Variants in KLHL1 observed in about 807,000 individuals in gnomAD.
The protein encoded by KLHL1 is kelch like family member 1, also known as kelch-like protein 1.
KLHL1 carries 47 observed loss-of-function variants against 77.7 expected under a neutral mutation model. The ratio of observed to expected loss-of-function variants is 0.60; its 90% CI spans 0.48 to 0.77. The LOEUF (loss-of-function observed/expected upper bound fraction) is 0.77, where lower values mean the gene tolerates loss of function less well. Among genes scored for constraint, KLHL1 ranks in the 30% least tolerant of loss-of-function variants. The probability of loss-of-function intolerance (pLI) is 0.00; values close to 1 mark genes in which losing one functional copy is unlikely to be tolerated. For synonymous variants in KLHL1, 360 were observed against 325.2 expected, an observed-to-expected ratio of 1.11 and a Z score of -1.15; for missense variants, 925 against 910.8, an observed-to-expected ratio of 1.02 and a Z score of -0.20.
At chr13:69,929,054 C>T (rs190630023) in intron 4 of KLHL1, among the ~76,000 whole-genome samples, 103 of 151,978 alleles carry the variant, frequency 6.8e-4, no homozygotes, top group Admixed American at 1.6e-3. Context: ...AATGACAAGA[C>T]GGCACTTATC....
At chr13:70,101,515 G>A (rs1028315388) in intron 1 of KLHL1, among the ~76,000 whole-genome samples, 2 of 151,934 alleles carry the variant, frequency 1.3e-5, no homozygotes, top group Non-Finnish European at 2.9e-5. Context: ...TGTAACATCC[G>A]CCTCCAGGGT....
intron 2 of KLHL1, among the ~76,000 whole-genome samples, chr13:69,961,802 G>T (rs938473898): frequency 5.6e-5 from 8 of 142,190 alleles, no homozygotes; most frequent in African/African-American, 2.1e-4. Context: ...AACATATATT[G>T]ATCTGTTGGT....
intron 1 of KLHL1, among the ~76,000 whole-genome samples, chr13:69,999,842 T>C (rs1399906430): frequency 6.6e-6 from 1 of 152,090 alleles, no homozygotes; most frequent in East Asian, 1.9e-4. Context: ...TTAACCCAGG[T>C]CACTGACCAG....
chr13:69,973,939 C>G (rs1230110808), intron 2 of KLHL1, among the ~76,000 whole-genome samples: 2 of 151,966 alleles, frequency 1.3e-5, no homozygotes, highest in Non-Finnish European at 2.9e-5. Flanking sequence ...CAACCTCTAA[C>G]TAGGCTCTTG....
At chr13:70,070,583 G>C (rs1887115521) in intron 1 of KLHL1, among the ~76,000 whole-genome samples, 1 of 151,992 alleles carries the variant, frequency 6.6e-6, no homozygotes. Context: ...TTTGTTGCTA[G>C]TAGGTCTACC....
chr13:69,867,768 A>G (rs1226462649), intron 5 of KLHL1, among the ~76,000 whole-genome samples: 1 of 150,056 alleles, frequency 6.7e-6, no homozygotes, highest in Non-Finnish European at 1.5e-5. Context: ...AGAAAAAAGC[A>G]TATGTAATAT....
intron 6 of KLHL1, among the ~76,000 whole-genome samples, chr13:69,834,850 T>C (rs910964193): frequency 1.3e-5 from 2 of 152,098 alleles, no homozygotes; most frequent in African/African-American, 4.8e-5. Flanking sequence ...CCTGTTTAGG[T>C]CCAGATTTTG....
intron 8 of KLHL1, among the ~76,000 whole-genome samples, chr13:69,738,735 A>G (rs183309201): frequency 4.0e-4 from 61 of 152,288 alleles, no homozygotes; most frequent in Non-Finnish European, 4.3e-4. Flanking sequence ...AAAACCTCTG[A>G]GAACTATGAG....
intron 1 of KLHL1, among the ~76,000 whole-genome samples, chr13:70,034,230 T>C (rs566786363): frequency 6.6e-6 from 1 of 152,202 alleles, no homozygotes; most frequent in Non-Finnish European, 1.5e-5. Context: ...GCTATCTCAT[T>C]GAACTTCCCC....
intron 1 of KLHL1, among the ~76,000 whole-genome samples, chr13:70,087,676 T>C (rs1487061962): frequency 6.6e-6 from 1 of 152,122 alleles, no homozygotes; most frequent in Non-Finnish European, 1.5e-5. Flanking sequence ...CTGGGGCTGC[T>C]GGGATTTAAA....
rs550898662 is a variant in KLHL1, at chr13:69,920,564, C to G, written c.1014+19476G>C. 9.2e-5 allele frequency among the ~76,000 whole-genome samples: 14 copies of G among 152,124 alleles called. No homozygotes were observed. The East Asian group carries it at 2.7e-3, about 29-fold the overall frequency. ...AAAACTATATTGAGGAGCAATATAA[C>G]AATGTATAAATGGGCTTTTTTGATA... On this transcript the variant is annotated intron_variant, in intron 4 of 10. Coordinates refer to ENST00000377844, the MANE Select transcript of KLHL1 (RefSeq NM_020866.3).
At chr13:70,098,006 C>T (rs1887834348) in intron 1 of KLHL1, among the ~76,000 whole-genome samples, 1 of 151,386 alleles carries the variant, frequency 6.6e-6, no homozygotes, top group Admixed American at 6.6e-5. Flanking sequence ...TAACTATTTA[C>T]TAGCTAACTA....
At chr13:70,033,553 G>T (rs1046280377) in intron 1 of KLHL1, among the ~76,000 whole-genome samples, 1 of 142,276 alleles carries the variant, frequency 7.0e-6, no homozygotes, top group East Asian at 2.1e-4. Flanking sequence ...TGATCCACCC[G>T]CCTTGGCCTC....
intron 1 of KLHL1, among the ~76,000 whole-genome samples, chr13:70,087,839 C>A (rs545874491): frequency 1.3e-5 from 2 of 152,222 alleles, no homozygotes; most frequent in African/African-American, 4.8e-5. Context: ...TCTGAACCTC[C>A]ACCTTCTAGG....
At chr13:69,994,099 G>C (rs566780697) in intron 1 of KLHL1, among the ~76,000 whole-genome samples, 4 of 152,080 alleles carry the variant, frequency 2.6e-5, no homozygotes, top group Non-Finnish European at 5.9e-5. Flanking sequence ...TCAAGGCACA[G>C]ATAAAGAACT....
chr13:69,728,039 G>A (rs1412370900), intron 8 of KLHL1, among the ~76,000 whole-genome samples: 3 of 151,850 alleles, frequency 2.0e-5, no homozygotes, highest in African/African-American at 7.3e-5. Context: ...AATCAATCAG[G>A]TCCCTTAAAA....
intron 1 of KLHL1, among the ~76,000 whole-genome samples, chr13:70,015,973 A>C (rs1231060643): frequency 6.6e-6 from 1 of 152,210 alleles, no homozygotes; most frequent in East Asian, 1.9e-4. Flanking sequence ...CTTAAGTTTT[A>C]AATTATTTTA....
chr13:69,791,846 T>TA lies in KLHL1; in HGVS notation c.1639+4891dup, dbSNP rs147390363. ...AAACTTTAAAAAGACAACACAGGCA[T>TA]AAATCTTCATGAACATAGATTAGAA... On this transcript the variant is annotated intron_variant, in intron 7 of 10. Transcript: ENST00000377844. Among the ~76,000 whole-genome samples the TA allele has an allele frequency of 4.2e-3, 635 of 152,304 alleles. 5 individuals carry two copies. The highest frequency in any genetic ancestry group is 0.015 in the African/African-American group (605 of 41,570).
At chr13:69,857,731 G>GA (rs894134221) in intron 5 of KLHL1, among the ~76,000 whole-genome samples, 1 of 151,824 alleles carries the variant, frequency 6.6e-6, no homozygotes, top group African/African-American at 2.4e-5. Context: ...CTATGCAGTA[G>GA]AAAAATAGTT....
Sources: gnomAD v4.1 joint callset for allele counts (sites outside exome capture counted in the v4.1 genomes callset) on GRCh38, gnomAD v4.1.1 for gene constraint, MANE v1.5 for transcripts, NCBI Gene and HGNC (gene_info 2026-07-23, HGNC 2026-07-21) for gene names.